Variants in HLA-DQA1 observed in about 807,000 individuals in gnomAD.
HLA-DQA1 encodes major histocompatibility complex, class II, DQ alpha 1, also known as HLA class II histocompatibility antigen, DQ alpha 1 chain.
Under a neutral mutation model 20.7 loss-of-function variants are expected in HLA-DQA1, and 10 were observed. That is an observed-to-expected ratio of 0.48 (90% CI 0.30 to 0.82). HLA-DQA1 has a LOEUF of 0.82. Among genes scored for constraint, HLA-DQA1 ranks in the 40% least tolerant of loss-of-function variants. The probability of loss-of-function intolerance (pLI) is 0.07; values close to 1 mark genes in which losing one functional copy is unlikely to be tolerated. For synonymous variants in HLA-DQA1, 39 were observed against 109.2 expected (o/e 0.36, Z 4.01); for missense variants, 127 against 293.0 (o/e 0.43, Z 4.14).
intron 1 of HLA-DQA1, among the ~76,000 whole-genome samples, chr6:32,640,884 T>C (rs9272659): frequency 0.013 from 1,218 of 94,428 alleles, 13 homozygotes; most frequent in East Asian, 0.026. Context: ...AAAGGAAGTA[T>C]AATCAATTTG....
intron 1 of HLA-DQA1, 137 bp from the exon 2 acceptor site, chr6:32,641,173 G>A: frequency 3.4e-6 from 2 of 581,248 alleles, no homozygotes; most frequent in Non-Finnish European, 5.8e-6. Flanking sequence ...GAGGAAGCAG[G>A]GGCTGGAAAT....
chr6:32,642,232 C>G lies in HLA-DQA1; in HGVS notation c.592C>G (p.Gln198Glu), dbSNP rs2308891. The G allele has an allele frequency of 0.31, 346,997 of 1,126,794 alleles. 93,137 individuals are homozygous for G. Among genetic ancestry groups the G allele is most frequent in the Admixed American group, 0.44 (19,373 of 43,878 alleles). The allele number at this position is 1,126,794 out of a possible 1,614,324, so 69.8% of individuals were successfully genotyped here. ...DCKVEHWGLD[Q>E]PLLKHWEPEI... ...CAAGGTGGAGCACTGGGGCCTGGAC[C>G]AGCCTCTTCTGAAACACTGGGGTAA... Residue 198 changes from glutamine to glutamate, a missense_variant, in exon 3 of 5, where the codon CAG becomes GAG. Around this residue, in one of 4 missense-constraint regions of HLA-DQA1, gnomAD observed 46 missense variants for 152.1 expected, o/e 0.30. Transcript: ENST00000343139.
rs9272531 is a variant in HLA-DQA1 at position 32,638,858 on chromosome 6, G to T, written c.82+1318G>T. On this transcript the variant is annotated intron_variant, in intron 1 of 4. Transcript: ENST00000343139. ...TCTCTTACTCTCCTCTGCCTTTGTCGTCCATCTCTTTCCACCTCTCTTCAT... is the reference window on the plus strand; with the variant it reads ...TCTCTTACTCTCCTCTGCCTTTGTCTTCCATCTCTTTCCACCTCTCTTCAT... The T allele has an allele frequency of 7.3e-5, 18 of 245,174 alleles. 3 individuals carry two copies. The highest frequency in any genetic ancestry group is 5.2e-4 in the African/African-American group (17 of 32,874). 15.2% of individuals were successfully genotyped at this position (245,174 alleles called of 1,614,324 possible).
downstream of HLA-DQA1, chr6:32,645,097 C>T (rs1412073137): frequency 7.3e-6 from 1 of 137,508 alleles, no homozygotes; most frequent in Admixed American, 7.6e-5. Context: ...TTGCTCAAAT[C>T]CACAGAATAT....
chr6:32,649,445 G>A (rs1418709610), downstream of HLA-DQA1, among the ~76,000 whole-genome samples: 8 of 96,826 alleles, frequency 8.3e-5, 3 homozygotes, highest in Non-Finnish European at 6.9e-5. Context: ...TATACTACAA[G>A]GCTACAGTAA....
chr6:32,639,952 C>T (rs9272606), intron 1 of HLA-DQA1: 12,567 of 88,384 alleles, frequency 0.14, 4,640 homozygotes, highest in Admixed American at 0.2. Context: ...GATGTTGAGA[C>T]GGAGGGGTTG....
chr6:32,649,168 G>C (rs1782089551), downstream of HLA-DQA1, among the ~76,000 whole-genome samples: 2 of 96,206 alleles, frequency 2.1e-5, 1 homozygote, highest in African/African-American at 7.2e-5. Context: ...CAATGCTCGT[G>C]GATAGGAAGA....
chr6:32,646,605 A>C (rs9273271), downstream of HLA-DQA1: 20 of 46,446 alleles, frequency 4.3e-4, no homozygotes, highest in Admixed American at 8.7e-4. Flanking sequence ...TTAAAAATCA[A>C]ATGAAATATG....
At chr6:32,650,935 C>T (rs1467173711), downstream of HLA-DQA1, among the ~76,000 whole-genome samples, 3 of 81,934 alleles carry the variant, frequency 3.7e-5, 1 homozygote, top group Non-Finnish European at 7.8e-5. Context: ...GCTTTGTTGC[C>T]CAGGCTGTAG....
At chr6:32,652,962 C>T in the HLA-DQA1 span, among the ~76,000 whole-genome samples, 54,643 of 144,420 alleles carry the variant, frequency 0.38, 11,691 homozygotes, top group Middle Eastern at 0.57. Context: ...CAGAGTTGGC[C>T]CAAATTAGGG....
chr6:32,652,673 G>T, the HLA-DQA1 span, among the ~76,000 whole-genome samples: 1 of 144,170 alleles, frequency 6.9e-6, no homozygotes, highest in Non-Finnish European at 1.5e-5. Flanking sequence ...TGAAAAAAGG[G>T]TGCATGTACC....
In HLA-DQA1 at chr6:32,643,558, ATTTT is replaced by A; in HGVS notation, c.*628_*631del. On this transcript the variant is annotated 3_prime_UTR_variant, in exon 5 of 5. Transcript: ENST00000343139. ...TTGGCCCAGAATTGTTATAGCAAAA[ATTTT>A]AGAACCAAAAAATAAGTCTGTACTA... 6.3e-6 allele frequency: 1 copy of A among 158,380 alleles called. No individual in the cohort carries two copies. Among genetic ancestry groups the A allele is most frequent in the Middle Eastern group, 3.2e-3 (1 of 312 alleles). 9.8% of individuals were successfully genotyped at this position (158,380 alleles called of 1,614,324 possible).
Position 32,642,613 on chromosome 6 carries a change from C to T in HLA-DQA1, c.617C>T (p.Pro206Leu). The T allele has an allele frequency of 1.5e-6, 2 of 1,373,534 alleles. No homozygotes were observed. The highest frequency in any genetic ancestry group is 1.2e-5 in the South Asian group (1 of 84,286). The allele number at this position is 1,373,534 out of a possible 1,614,324, so 85.1% of individuals were successfully genotyped here. Residue 206 changes from proline (P) to leucine (L), a missense_variant, in exon 4 of 5, where the codon CCT (proline) becomes CTT (leucine). Transcript: ENST00000343139. ...CTCAACAACTTCACTTCCACAGAGC[C>T]TGAGATTCCAGCCCCTATGTCAGAG... is the stretch of plus-strand genomic sequence containing the variant. ...LDQPLLKHWE[P>L]EIPAPMSELT...
intron 1 of HLA-DQA1, chr6:32,638,945 A>G (rs144757939): frequency 0.019 from 6,520 of 351,426 alleles, 1,463 homozygotes; most frequent in Non-Finnish European, 0.027. Flanking sequence ...CTTTATAGAG[A>G]TGGACAGTGG....
At chr6:32,653,270 T>C in the HLA-DQA1 span, among the ~76,000 whole-genome samples, 5,252 of 98,356 alleles carry the variant, frequency 0.053, 1,893 homozygotes, top group South Asian at 0.14. Flanking sequence ...ATGTTTGTTG[T>C]TGTTGTTGTT....
At chr6:32,652,131 A>T in the HLA-DQA1 span, among the ~76,000 whole-genome samples, 3 of 93,610 alleles carry the variant, frequency 3.2e-5, 1 homozygote, top group Non-Finnish European at 7.1e-5. Flanking sequence ...ATACAAAAAA[A>T]ATTAGCTGGG....
the HLA-DQA1 span, among the ~76,000 whole-genome samples, chr6:32,653,736 A>T: frequency 0.012 from 965 of 82,912 alleles, 53 homozygotes; most frequent in Admixed American, 0.014. Flanking sequence ...CAAGAGATGG[A>T]ATCAACCTAA....
Position 32,642,667 on chromosome 6 carries a change from G to A in HLA-DQA1, c.671G>A (p.Gly224Glu), listed in dbSNP as rs755621273. The change falls in exon 4 of 5, where the codon GGG (glycine) becomes GAG (glutamate). Residue 224 changes from glycine to glutamate, a missense_variant. Around this residue, in one of 4 missense-constraint regions of HLA-DQA1, gnomAD observed 46 missense variants for 152.1 expected, o/e 0.30. Coordinates refer to ENST00000343139, the MANE Select transcript of HLA-DQA1 (RefSeq NM_002122.5). ...ACAGAGACTGTGGTCTGTGCCCTGG[G>A]GTTGTCTGTGGGCCTCATGGGCATT... ...ELTETVVCAL[G>E]LSVGLMGIVV... 7.7e-7 allele frequency: 1 copy of A among 1,295,996 alleles called. No homozygotes were observed. The highest frequency in any genetic ancestry group is 1.2e-5 in the South Asian group (1 of 82,290). The allele number at this position is 1,295,996 out of a possible 1,614,324, so 80.3% of individuals were successfully genotyped here. A position where few individuals can be genotyped will look rare whatever the true frequency, so the allele number is the denominator to read the frequency against.
At chr6:32,638,924 A>G (rs28636516) in intron 1 of HLA-DQA1, 105,379 of 342,370 alleles carry the variant, frequency 0.31, 32,910 homozygotes, top group South Asian at 0.59. Context: ...TCCATCTCTG[A>G]CTCCCTGCTC....
Sources: gnomAD v4.1 joint callset for allele counts (sites outside exome capture counted in the v4.1 genomes callset) on GRCh38, gnomAD v4.1.1 for gene constraint, gnomAD v4.1.1 regional missense constraint, MANE v1.5 for transcripts, NCBI Gene and HGNC (gene_info 2026-07-23, HGNC 2026-07-21) for gene names.